NF1: variants seen among roughly 807,000 people sequenced by gnomAD.
NF1 encodes the protein neurofibromin.
In NF1, 122 loss-of-function variants were observed where a neutral mutation model predicts 325.7. The observed-to-expected ratio is 0.37, with a 90% CI of 0.32 to 0.44. NF1 has a LOEUF of 0.44. NF1 is among the 20% of genes least tolerant of loss of function. NF1 has a pLI of 1.00. For missense variants in NF1, 2,140 were observed against 3,415.4 expected, an observed-to-expected ratio of 0.63 and a Z score of 9.31; for synonymous variants, 1,091 against 1,186.0, an observed-to-expected ratio of 0.92 and a Z score of 1.65.
At chr17:31,217,939 CA>C (rs56382346) in intron 13 of NF1, among the ~76,000 whole-genome samples, 76,710 of 116,902 alleles carry the variant, frequency 0.66, 22,274 homozygotes, top group Middle Eastern at 0.79. Context: ...CACTCCGTTT[CA>C]AAAAAAAAAA....
rs2065662367 is a variant in NF1, at chr17:31,156,352, C to T, written c.204+226C>T. Among the ~76,000 whole-genome samples the T allele has an allele frequency of 2.6e-5, 4 of 152,138 alleles. No homozygotes were observed. The South Asian group carries it at 8.3e-4, about 31-fold the overall frequency. On this transcript the variant is annotated intron_variant, in intron 2 of 57. Coordinates refer to ENST00000358273, the MANE Select transcript of NF1 (RefSeq NM_001042492.3). ...AGTGAGCACAAGTAACTGTAACTTT[C>T]ATTTTAATTTATTATTTCCCTTAGA...
chr17:31,108,395 T>A lies in NF1; in HGVS notation c.60+13026T>A, dbSNP rs191078578. Among the ~76,000 whole-genome samples, 4 of 146,738 alleles carry A rather than the reference T, an allele frequency of 2.7e-5. No individual in the cohort carries two copies. The East Asian group carries it at 8.7e-4, about 32-fold the overall frequency. On this transcript the variant is annotated intron_variant, in intron 1 of 57. Coordinates refer to ENST00000358273, the MANE Select transcript of NF1 (RefSeq NM_001042492.3). Reference sequence around the variant, plus strand: ...GCTCAAGCCATCCTCTCTCTCAGCCTCCCGAGTAGCTGAGATCACAGGTGC... The same window carrying A: ...GCTCAAGCCATCCTCTCTCTCAGCCACCCGAGTAGCTGAGATCACAGGTGC...
intron 1 of NF1, among the ~76,000 whole-genome samples, chr17:31,105,462 C>T (rs1912776250): frequency 6.6e-6 from 1 of 152,134 alleles, no homozygotes; most frequent in Non-Finnish European, 1.5e-5. Context: ...CAAGCTGTCG[C>T]CTGCCCTTAT....
intron 37 of NF1, among the ~76,000 whole-genome samples, chr17:31,326,595 C>T (rs1474725154): frequency 1.3e-5 from 2 of 151,940 alleles, no homozygotes; most frequent in Non-Finnish European, 2.9e-5. Context: ...TGCAGTGAGC[C>T]GAGATTGCGC....
At chr17:31,303,104 T>C (rs1372623041) in intron 36 of NF1, among the ~76,000 whole-genome samples, 2 of 152,188 alleles carry the variant, frequency 1.3e-5, no homozygotes, top group African/African-American at 4.8e-5. Context: ...TGAATGCCAG[T>C]GCTATGAATA....
intron 16 of NF1, among the ~76,000 whole-genome samples, chr17:31,224,868 A>G (rs1039967824): frequency 2.6e-5 from 4 of 152,176 alleles, no homozygotes; most frequent in Non-Finnish European, 2.9e-5. Context: ...TGTAGAATCT[A>G]CTGTTTCTGA....
chr17:31,273,182 A>G (rs1024968733), intron 36 of NF1, among the ~76,000 whole-genome samples: 2 of 152,218 alleles, frequency 1.3e-5, no homozygotes, highest in East Asian at 1.9e-4. Context: ...TTGATTTCTC[A>G]TGACCTTTAT....
chr17:31,225,071 G>A (rs763388889), intron 16 of NF1, 24 bp from the exon 17 acceptor site: 3 of 1,612,046 alleles, frequency 1.9e-6, no homozygotes, highest in Admixed American at 1.7e-5. Context: ...CTTCAGTAAA[G>A]CTTATTTATT....
At chr17:31,118,382 G>A (rs1189289817) in intron 1 of NF1, among the ~76,000 whole-genome samples, 1 of 151,560 alleles carries the variant, frequency 6.6e-6, no homozygotes, top group East Asian at 1.9e-4. Context: ...ATGGTGGTTT[G>A]CTGCACCCAT....
chr17:31,241,252 A>C (rs2067291067), intron 29 of NF1, among the ~76,000 whole-genome samples: 1 of 152,152 alleles, frequency 6.6e-6, no homozygotes, highest in South Asian at 2.1e-4. Context: ...TCTTGTAGGC[A>C]ACAGATTGTT....
intron 8 of NF1, among the ~76,000 whole-genome samples, chr17:31,184,505 C>T (rs910109249): frequency 6.6e-6 from 1 of 150,914 alleles, no homozygotes; most frequent in South Asian, 2.1e-4. Context: ...AAAAATTAGC[C>T]GGGCGAGGTG....
intron 5 of NF1, among the ~76,000 whole-genome samples, chr17:31,179,297 A>T (rs2066082180): frequency 6.6e-6 from 1 of 152,224 alleles, no homozygotes; most frequent in East Asian, 1.9e-4. Flanking sequence ...AGAAATAAAG[A>T]TGTTCTTTGA....
chr17:31,220,069 C>T (rs2066895415), intron 14 of NF1, among the ~76,000 whole-genome samples: 1 of 152,122 alleles, frequency 6.6e-6, no homozygotes, highest in African/African-American at 2.4e-5. Context: ...AGGAGTGGAA[C>T]TGCTAAGTCG....
chr17:31,315,968 C>T (rs539450647), intron 36 of NF1, among the ~76,000 whole-genome samples: 13 of 152,106 alleles, frequency 8.5e-5, no homozygotes, highest in East Asian at 1.9e-4. Flanking sequence ...TGCTGTGTTG[C>T]GCAGGCTGGT....
At chr17:31,139,978 A>G (rs1916099700) in intron 1 of NF1, among the ~76,000 whole-genome samples, 1 of 152,200 alleles carries the variant, frequency 6.6e-6, no homozygotes, top group African/African-American at 2.4e-5. Flanking sequence ...CCTAAGCAGT[A>G]AAAAGGTGAT....
intron 36 of NF1, chr17:31,304,843 T>G: frequency 6.2e-7 from 1 of 1,614,058 alleles, no homozygotes; most frequent in Non-Finnish European, 8.5e-7. Context: ...TTCTCTGATG[T>G]TATCCATACA....
At chr17:31,135,762 A>G (rs1281602572) in intron 1 of NF1, among the ~76,000 whole-genome samples, 1 of 150,660 alleles carries the variant, frequency 6.6e-6, no homozygotes, top group Non-Finnish European at 1.5e-5. Context: ...TTTTGTAGGG[A>G]CAGCATCTTA....
intron 5 of NF1, among the ~76,000 whole-genome samples, chr17:31,170,265 G>T (rs1380836903): frequency 6.6e-6 from 1 of 152,126 alleles, no homozygotes; most frequent in South Asian, 2.1e-4. Flanking sequence ...GAATGCAAGG[G>T]TGCTATTATT....
At chr17:31,373,870 A>G in intron 57 of NF1, 143 bp from the exon 58 acceptor site, 2 of 1,004,220 alleles carry the variant, frequency 2.0e-6, no homozygotes, top group Non-Finnish European at 3.0e-6. Flanking sequence ...TCATGTAAGT[A>G]CACTCCACAA....
Sources: allele counts gnomAD v4.1 joint callset (sites outside exome capture counted in the v4.1 genomes callset), GRCh38; gene constraint gnomAD v4.1.1; transcripts MANE v1.5; gene names NCBI Gene and HGNC (gene_info 2026-07-23, HGNC 2026-07-21).